The following CHD9 variants were observed in gnomAD, a reference collection of about 807,000 sequenced individuals.
The protein encoded by CHD9 is ATP-dependent chromatin remodeler CHD9.
Under a neutral mutation model 316.1 loss-of-function variants are expected in CHD9, and 77 were observed. That is an observed-to-expected ratio of 0.24 (90% CI 0.20 to 0.29). CHD9 has a LOEUF of 0.29. Ranked by LOEUF, CHD9 falls within the 10% of genes least tolerant of loss-of-function variation. CHD9 has a pLI of 1.00. For synonymous variants in CHD9, 1,129 were observed against 1,158.3 expected (o/e 0.97, Z 0.51); for missense variants, 2,763 against 3,438.1 (o/e 0.80, Z 4.91).
At chr16:53,141,709 T>C (rs986089068) in intron 1 of CHD9, among the ~76,000 whole-genome samples, 3 of 152,194 alleles carry the variant, frequency 2.0e-5, no homozygotes, top group Admixed American at 6.5e-5. Flanking sequence ...AACCAGCCTC[T>C]GCACTCATCT....
At chr16:53,221,587 A>G (rs1480582109) in intron 3 of CHD9, among the ~76,000 whole-genome samples, 1 of 152,176 alleles carries the variant, frequency 6.6e-6, no homozygotes, top group Non-Finnish European at 1.5e-5. Context: ...TATACCTCTC[A>G]TCAAGACAAA....
intron 30 of CHD9, among the ~76,000 whole-genome samples, chr16:53,302,521 A>G (rs2055539796): frequency 2.6e-5 from 4 of 152,224 alleles, no homozygotes; most frequent in Admixed American, 1.3e-4. Context: ...GCATTTGGCC[A>G]GTGTAAAATT....
intron 1 of CHD9, among the ~76,000 whole-genome samples, chr16:53,098,196 A>T (rs1201503376): frequency 6.8e-6 from 1 of 146,596 alleles, no homozygotes; most frequent in Non-Finnish European, 1.5e-5. Context: ...TGGGAGGCAG[A>T]CAGGCGTGGT....
At chr16:53,208,007 T>G in intron 2 of CHD9, 1 of 995,484 alleles carries the variant, frequency 1.0e-6, no homozygotes, top group Non-Finnish European at 1.2e-6. Flanking sequence ...TGATGCATTT[T>G]GATGCTTTGT....
chr16:53,263,462 GA>G (rs893111996), intron 20 of CHD9, among the ~76,000 whole-genome samples: 2 of 151,906 alleles, frequency 1.3e-5, no homozygotes, highest in African/African-American at 2.4e-5. Context: ...AATAAGAGGA[GA>G]AAAAAAGCAG....
At chr16:53,314,629 G>C (rs997681005) in intron 35 of CHD9, 113 bp downstream of exon 35, 1 of 1,000,338 alleles carries the variant, frequency 1.0e-6, no homozygotes, top group African/African-American at 1.6e-5. Flanking sequence ...GAAATTAGAA[G>C]TATGCCATAT....
At chr16:53,199,017 CT>C (rs751958510) in intron 2 of CHD9, among the ~76,000 whole-genome samples, 267 of 144,836 alleles carry the variant, frequency 1.8e-3, no homozygotes, top group Non-Finnish European at 2.7e-3. Flanking sequence ...TGCCACCAAA[CT>C]TTTTTTTTTT....
intron 1 of CHD9, among the ~76,000 whole-genome samples, chr16:53,078,378 GT>G (rs1160614919): frequency 6.6e-6 from 1 of 152,154 alleles, no homozygotes; most frequent in Non-Finnish European, 1.5e-5. Flanking sequence ...GTTCGGCCCT[GT>G]TTCCCTTTCT....
intron 1 of CHD9, among the ~76,000 whole-genome samples, chr16:53,101,654 C>G (rs1421361812): frequency 6.6e-6 from 1 of 152,160 alleles, no homozygotes; most frequent in African/African-American, 2.4e-5. Flanking sequence ...CAGGAAACCT[C>G]AGGGCTCTTC....
chr16:53,117,760 G>A (rs920340828), intron 1 of CHD9, among the ~76,000 whole-genome samples: 3 of 151,892 alleles, frequency 2.0e-5, no homozygotes, highest in Admixed American at 6.6e-5. Flanking sequence ...TCTGGAAGGG[G>A]GAATGTTTTT....
rs762640651 is a variant in CHD9 at position 53,324,675 on chromosome 16, T to C, written c.8474T>C (p.Phe2825Ser). Residue 2825 changes from phenylalanine (F) to serine (S), a missense_variant, in exon 39 of 39, where the codon TTT becomes TCT. Phe to Ser is a radical substitution (Grantham distance 155). This residue lies in a region of CHD9 where 298 missense variants were observed against 380.2 expected (regional missense o/e 0.78). Coordinates refer to ENST00000447540, the MANE Select transcript of CHD9 (RefSeq NM_001308319.2). Reference protein sequence around the residue: ...HIPTLSQSNTFDVQNKNSDLG... With the variant: ...HIPTLSQSNTSDVQNKNSDLG... Reference sequence around the variant, plus strand: ...CCAACTTTGTCCCAGTCCAATACTTTTGATGTACAAAACAAAAACAGTGAC... The same window carrying C: ...CCAACTTTGTCCCAGTCCAATACTTCTGATGTACAAAACAAAAACAGTGAC... 6.2e-6 allele frequency: 10 copies of C among 1,613,506 alleles called. No individual in the cohort carries two copies. Among genetic ancestry groups the C allele is most frequent in the East Asian group, 2.2e-5 (1 of 44,874 alleles).
intron 1 of CHD9, among the ~76,000 whole-genome samples, chr16:53,078,375 C>T (rs2152529338): frequency 6.6e-6 from 1 of 152,196 alleles, no homozygotes; most frequent in Non-Finnish European, 1.5e-5. Context: ...GAAGTTCGGC[C>T]CTGTTTCCCT....
intron 2 of CHD9, among the ~76,000 whole-genome samples, chr16:53,179,393 A>T (rs752612409): frequency 4.7e-4 from 71 of 152,148 alleles, no homozygotes; most frequent in Non-Finnish European, 9.4e-4. Context: ...TATGAGAATT[A>T]AAAACACTAT....
chr16:53,188,040 C>G (rs1191606647), intron 2 of CHD9, among the ~76,000 whole-genome samples: 1 of 152,344 alleles, frequency 6.6e-6, no homozygotes, highest in African/African-American at 2.4e-5. Context: ...AACCACCAAT[C>G]TACTTTCTGT....
At chr16:53,312,303 C>T (rs981014537) in intron 34 of CHD9, among the ~76,000 whole-genome samples, 2 of 152,068 alleles carry the variant, frequency 1.3e-5, no homozygotes, top group Admixed American at 6.6e-5. Flanking sequence ...AAATATTAGA[C>T]AATACATTCA....
intron 1 of CHD9, among the ~76,000 whole-genome samples, chr16:53,069,434 C>A (rs2033816335): frequency 6.6e-6 from 1 of 152,208 alleles, no homozygotes; most frequent in Non-Finnish European, 1.5e-5. Flanking sequence ...TCCCCTTCCC[C>A]CTTAACCCCA....
chr16:53,112,995 C>T (rs931154619), intron 1 of CHD9, among the ~76,000 whole-genome samples: 3 of 151,530 alleles, frequency 2.0e-5, no homozygotes, highest in Non-Finnish European at 2.9e-5. Flanking sequence ...GAGCGAGACC[C>T]TCTAAAGACA....
intron 34 of CHD9, among the ~76,000 whole-genome samples, chr16:53,313,722 C>T (rs954214960): frequency 4.0e-5 from 6 of 148,988 alleles, no homozygotes; most frequent in African/African-American, 7.4e-5. Context: ...AGGCCGAGGC[C>T]GGTGGATCAC....
intron 2 of CHD9, among the ~76,000 whole-genome samples, chr16:53,198,389 C>T (rs551394843): frequency 4.9e-5 from 7 of 142,992 alleles, no homozygotes; most frequent in Non-Finnish European, 9.0e-5. Flanking sequence ...CGTAGTGGTG[C>T]GATCTTGGCT....
Sources: gnomAD v4.1 joint callset for allele counts (sites outside exome capture counted in the v4.1 genomes callset) on GRCh38, gnomAD v4.1.1 for gene constraint, gnomAD v4.1.1 regional missense constraint, MANE v1.5 for transcripts, NCBI Gene and HGNC (gene_info 2026-07-23, HGNC 2026-07-21) for gene names.